Variants in DGKG observed in about 807,000 individuals in gnomAD.
DGKG encodes diacylglycerol kinase gamma.
In DGKG, 78 loss-of-function variants were observed where a neutral mutation model predicts 105.3. The ratio of observed to expected loss-of-function variants is 0.74; its 90% CI spans 0.62 to 0.89. The LOEUF is 0.89. DGKG is among the 40% of genes least tolerant of loss of function. DGKG has a pLI of 0.00. For missense variants in DGKG, 958 were observed against 1,020.1 expected (o/e 0.94, Z 0.83); for synonymous variants, 346 against 367.1 (o/e 0.94, Z 0.66).
intron 1 of DGKG, among the ~76,000 whole-genome samples, chr3:186,325,820 C>A (rs966827777): frequency 1.2e-4 from 19 of 152,150 alleles, no homozygotes; most frequent in African/African-American, 4.6e-4. Flanking sequence ...CTTCGACTCT[C>A]AGATTATTCC....
At chr3:186,339,147 C>T (rs778614788) in intron 1 of DGKG, among the ~76,000 whole-genome samples, 22 of 152,144 alleles carry the variant, frequency 1.4e-4, no homozygotes, top group Non-Finnish European at 2.4e-4. Context: ...TAATGATGTT[C>T]AATGGGCAAT....
At chr3:186,268,019 C>T (rs535559456) in intron 12 of DGKG, among the ~76,000 whole-genome samples, 2 of 152,242 alleles carry the variant, frequency 1.3e-5, no homozygotes, top group African/African-American at 4.8e-5. Flanking sequence ...TGAAGCGACA[C>T]AGTCATGAGC....
chr3:186,261,444 C>T (rs1028205838), intron 15 of DGKG, among the ~76,000 whole-genome samples: 9 of 152,180 alleles, frequency 5.9e-5, no homozygotes, highest in African/African-American at 1.4e-4. Context: ...TAATGGCTCA[C>T]GTGGCAGGCT....
intron 1 of DGKG, among the ~76,000 whole-genome samples, chr3:186,339,652 G>GT (rs1318477486): frequency 2.0e-5 from 3 of 152,182 alleles, no homozygotes; most frequent in African/African-American, 7.2e-5. Context: ...ACTGAAGCAT[G>GT]TGTGTGGGTT....
chr3:186,148,619 G>A lies in DGKG; in HGVS notation c.*1471C>T. On this transcript the variant is annotated 3_prime_UTR_variant, in exon 25 of 25. Coordinates refer to ENST00000265022, the MANE Select transcript of DGKG (RefSeq NM_001346.3). ...TTCTCCATTAAATATCTTTGTAACG[G>A]CACCTACTCTCAAGCTGCATTAGCC... 12 of 985,256 alleles carry A rather than the reference G, an allele frequency of 1.2e-5. No individual in the cohort carries two copies. The highest frequency in any genetic ancestry group is 1.4e-5 in the Non-Finnish European group (12 of 829,910). The allele number at this position is 985,256 out of a possible 1,614,324, so 61.0% of individuals were successfully genotyped here.
At chr3:186,199,209 A>G (rs776229481) in intron 21 of DGKG, among the ~76,000 whole-genome samples, 2 of 152,014 alleles carry the variant, frequency 1.3e-5, no homozygotes, top group Admixed American at 6.6e-5. Flanking sequence ...TCAGCCTCCC[A>G]AAGTGCTGGG....
At chr3:186,269,682 CG>C (rs1722225418) in intron 11 of DGKG, among the ~76,000 whole-genome samples, 1 of 152,018 alleles carries the variant, frequency 6.6e-6, no homozygotes, top group African/African-American at 2.4e-5. Flanking sequence ...AACGTGAAGC[CG>C]AGACTAAAAA....
chr3:186,148,872 G>A lies in DGKG; in HGVS notation c.*1218C>T. On this transcript the variant is annotated 3_prime_UTR_variant, in exon 25 of 25. Coordinates refer to ENST00000265022, the MANE Select transcript of DGKG (RefSeq NM_001346.3). The stretch of plus-strand genomic sequence containing the variant: ...ATGAAACGGTGGAGTGGGGGAGTGA[G>A]AACCTTCTTTTTCCTTACCACTTTC... The A allele has an allele frequency of 1.0e-6, 1 of 984,090 alleles. No homozygotes were observed. The highest frequency in any genetic ancestry group is 4.7e-5 in the South Asian group (1 of 21,228). 61.0% of individuals were successfully genotyped at this position (984,090 alleles called of 1,614,324 possible).
At position 186,231,110 on chromosome 3, in the gene DGKG, C is replaced by T. The variant is rs2108540334; in HGVS notation, c.1826+11394G>A. 6.6e-6 allele frequency among the ~76,000 whole-genome samples: 1 copy of T among 152,308 alleles called. No homozygotes were observed. Among genetic ancestry groups the T allele is most frequent in the African/African-American group, 2.4e-5 (1 of 41,566 alleles). On this transcript the variant is annotated intron_variant, in intron 20 of 24. Transcript: ENST00000265022. This position sits in a 1 kb window ranked among gnomAD's most constrained non-coding sequence, Gnocchi z 4.5. Reference sequence around the variant, plus strand: ...AACTGAGATGAAGAGTAAGGAGGTGCAGTCACTATTTCCTGTTGTGAATCC... The same window carrying T: ...AACTGAGATGAAGAGTAAGGAGGTGTAGTCACTATTTCCTGTTGTGAATCC...
chr3:186,247,672 AC>A (rs1721006956), intron 19 of DGKG, among the ~76,000 whole-genome samples: 1 of 152,202 alleles, frequency 6.6e-6, no homozygotes, highest in Non-Finnish European at 1.5e-5. Flanking sequence ...GAGCGAGCAT[AC>A]AAACCCTGCA....
chr3:186,231,228 A>G lies in DGKG; in HGVS notation c.1826+11276T>C, dbSNP rs765822786. Among the ~76,000 whole-genome samples the G allele has an allele frequency of 6.6e-6, 1 of 152,110 alleles. No homozygotes were observed. Among genetic ancestry groups the G allele is most frequent in the Non-Finnish European group, 1.5e-5 (1 of 68,020 alleles). The stretch of plus-strand genomic sequence containing the variant: ...CTTGTGGTTTTCTCATGGGCCCTTT[A>G]ATCATATCTATGGCTCTTTTCTAGT... On this transcript the variant is annotated intron_variant, in intron 20 of 24. Transcript: ENST00000265022. This position sits in a 1 kb window ranked among gnomAD's most constrained non-coding sequence, Gnocchi z 4.5.
Position 186,242,585 on chromosome 3 carries a change from CA to C in DGKG, c.1762-18del, listed in dbSNP as rs748607165. 6 of 1,611,032 alleles carry C rather than the reference CA, an allele frequency of 3.7e-6. No homozygotes were observed. The East Asian group carries it at 1.3e-4, about 36-fold the overall frequency. On this transcript the variant is annotated intron_variant, in intron 19 of 24. Transcript: ENST00000265022. ...GGAAGCGTCCTGAAAGTGAAAGAGA[CA>C]AAGCAGATCCTTGGTGAGTGGTCAT...
intron 5 of DGKG, among the ~76,000 whole-genome samples, chr3:186,295,638 T>TGA (rs753099743): frequency 2.4e-5 from 2 of 84,528 alleles, no homozygotes; most frequent in African/African-American, 5.0e-5. Flanking sequence ...TAATGCACAG[T>TGA]AAAAAAAAAA....
chr3:186,352,443 C>G (rs925303578), intron 1 of DGKG, among the ~76,000 whole-genome samples: 1 of 152,168 alleles, frequency 6.6e-6, no homozygotes, highest in Admixed American at 6.5e-5. Context: ...TTTCACCCAC[C>G]ACTTGCACTG....
At chr3:186,188,049 G>A (rs953533432) in intron 22 of DGKG, among the ~76,000 whole-genome samples, 153 bp downstream of exon 22, 13 of 152,208 alleles carry the variant, frequency 8.5e-5, no homozygotes, top group African/African-American at 2.7e-4. Context: ...GGATTAAGTT[G>A]TAAACTTTGC....
chr3:186,225,653 C>A (rs985528866), intron 20 of DGKG, among the ~76,000 whole-genome samples: 2 of 152,104 alleles, frequency 1.3e-5, no homozygotes, highest in African/African-American at 4.8e-5. Flanking sequence ...ACTGGCTGCT[C>A]CCTTTACACA....
chr3:186,347,497 ATGT>A (rs2108667472), intron 1 of DGKG, among the ~76,000 whole-genome samples: 1 of 151,210 alleles, frequency 6.6e-6, no homozygotes, highest in African/African-American at 2.4e-5. Flanking sequence ...TTCACACTTA[ATGT>A]GGTATGTTTG....
intron 3 of DGKG, among the ~76,000 whole-genome samples, chr3:186,304,344 G>A (rs2268819): frequency 0.74 from 112,168 of 152,144 alleles, 41,778 homozygotes; most frequent in African/African-American, 0.82. Flanking sequence ...TGCATTCTCA[G>A]TCTCGCCCCT....
chr3:186,252,223 G>A (rs780370629), intron 18 of DGKG, among the ~76,000 whole-genome samples: 1 of 152,218 alleles, frequency 6.6e-6, no homozygotes, highest in Non-Finnish European at 1.5e-5. Flanking sequence ...CTGCATGGGA[G>A]AACAGCAGAT....
Sources: gnomAD v4.1 joint callset for allele counts (sites outside exome capture counted in the v4.1 genomes callset) on GRCh38, gnomAD v4.1.1 for gene constraint, Gnocchi (gnomAD v3.1) non-coding constraint, MANE v1.5 for transcripts, NCBI Gene and HGNC (gene_info 2026-07-23, HGNC 2026-07-21) for gene names.